The following USP32 variants were observed in gnomAD, a reference collection of about 807,000 sequenced individuals.
USP32 encodes ubiquitin specific peptidase 32, also known as ubiquitin carboxyl-terminal hydrolase 32.
Under a neutral mutation model 204.8 loss-of-function variants are expected in USP32, and 59 were observed. The ratio of observed to expected loss-of-function variants is 0.29; its 90% CI spans 0.23 to 0.36. The LOEUF is 0.36. Ranked by LOEUF, USP32 falls within the 10% of genes least tolerant of loss-of-function variation. The probability of loss-of-function intolerance (pLI) is 1.00; values close to 1 mark genes in which losing one functional copy is unlikely to be tolerated. For missense variants in USP32, 1,160 were observed against 1,946.4 expected, an observed-to-expected ratio of 0.60 and a Z score of 7.60; for synonymous variants, 517 against 678.4, an observed-to-expected ratio of 0.76 and a Z score of 3.70.
At chr17:60,188,590 C>T (rs2084303964) in intron 29 of USP32, among the ~76,000 whole-genome samples, 1 of 152,186 alleles carries the variant, frequency 6.6e-6, no homozygotes, top group Non-Finnish European at 1.5e-5. Flanking sequence ...CCAATGAATA[C>T]ACCATGCTTT....
chr17:60,201,467 A>G (rs1225945894), intron 26 of USP32, among the ~76,000 whole-genome samples: 2 of 151,894 alleles, frequency 1.3e-5, no homozygotes, highest in Non-Finnish European at 2.9e-5. Context: ...TGTTTATAGT[A>G]TTTAATTTAT....
upstream of USP32, among the ~76,000 whole-genome samples, chr17:60,392,983 T>G (rs1011061951): frequency 6.7e-6 from 1 of 149,566 alleles, no homozygotes; most frequent in Non-Finnish European, 1.5e-5. Flanking sequence ...CGTAACAAAA[T>G]GTACCATTTT....
intron 2 of USP32, among the ~76,000 whole-genome samples, chr17:60,314,019 A>C (rs2087915115): frequency 6.6e-6 from 1 of 152,102 alleles, no homozygotes; most frequent in Admixed American, 6.6e-5. Context: ...AAATATGCTC[A>C]AGAATTTAAA....
chr17:60,421,777 G>A, intron 1 of USP32: 1 of 920,810 alleles, frequency 1.1e-6, no homozygotes, highest in South Asian at 5.0e-5. Flanking sequence ...TCGGGTCCCT[G>A]GAGGGCTCGC....
intron 4 of USP32, 115 bp downstream of exon 4, chr17:60,294,568 A>G (rs2145869999): frequency 1.8e-6 from 1 of 569,878 alleles, no homozygotes; most frequent in South Asian, 3.5e-5. Flanking sequence ...AAATATAAAA[A>G]TGCCAAGAGT....
At chr17:60,225,964 AAAAAAAG>A in intron 13 of USP32, 68 bp downstream of exon 13, 4 of 1,458,294 alleles carry the variant, frequency 2.7e-6, no homozygotes, top group South Asian at 2.8e-5. Context: ...AAAAAAAAAA[AAAAAAAG>A]AAAAGAAAAG....
At chr17:60,291,388 T>C (rs1280400333) in intron 4 of USP32, among the ~76,000 whole-genome samples, 1 of 152,188 alleles carries the variant, frequency 6.6e-6, no homozygotes, top group Non-Finnish European at 1.5e-5. Context: ...GAAAAAAACT[T>C]CATACAACAC....
chr17:60,229,961 G>A (rs781370157), intron 12 of USP32, among the ~76,000 whole-genome samples: 4 of 151,974 alleles, frequency 2.6e-5, no homozygotes, highest in East Asian at 1.9e-4. Context: ...TTACAGGCAC[G>A]CACCACTGCG....
At chr17:60,237,233 T>C (rs2085754708) in intron 11 of USP32, among the ~76,000 whole-genome samples, 1 of 151,814 alleles carries the variant, frequency 6.6e-6, no homozygotes, top group Non-Finnish European at 1.5e-5. Context: ...CTTGACCTCC[T>C]GGGCTCAAGC....
At chr17:60,351,582 C>T (rs1216817083) in intron 1 of USP32, among the ~76,000 whole-genome samples, 2 of 149,292 alleles carry the variant, frequency 1.3e-5, no homozygotes, top group Non-Finnish European at 2.9e-5. Context: ...CACGCACCAC[C>T]GTGCCTGGCT....
intron 1 of USP32, among the ~76,000 whole-genome samples, chr17:60,350,140 G>A (rs1233876272): frequency 6.6e-6 from 1 of 151,622 alleles, no homozygotes; most frequent in African/African-American, 2.4e-5. Context: ...AGCCTCCCAA[G>A]TAGGTGGGAC....
At chr17:60,218,445 T>C (rs1332455899) in intron 16 of USP32, among the ~76,000 whole-genome samples, 2 of 152,172 alleles carry the variant, frequency 1.3e-5, no homozygotes, top group Non-Finnish European at 2.9e-5. Context: ...TAACCTTTAA[T>C]GAAGATACAA....
Position 60,263,480 on chromosome 17 carries a change from A to G in USP32, c.990+1932T>C, listed in dbSNP as rs550696005. Among the ~76,000 whole-genome samples, 279 of 152,358 alleles carry G rather than the reference A, an allele frequency of 1.8e-3. 2 individuals are homozygous for G. Among genetic ancestry groups the G allele is most frequent in the African/African-American group, 5.2e-3 (217 of 41,588 alleles). ...GGCTTGGTTAAAAAACCCAAGTTCT[A>G]TCCCAAACTATTACTATTTCATTAT... is the stretch of plus-strand genomic sequence containing the variant. On this transcript the variant is annotated intron_variant, in intron 9 of 33. Coordinates refer to ENST00000300896, the MANE Select transcript of USP32 (RefSeq NM_032582.4).
chr17:60,333,543 T>C (rs2088440007), intron 2 of USP32, among the ~76,000 whole-genome samples: 1 of 152,048 alleles, frequency 6.6e-6, no homozygotes. Flanking sequence ...GAGGTTACAG[T>C]GAGCCAAGAT....
At chr17:60,223,383 T>C (rs748761018) in intron 14 of USP32, 28 bp downstream of exon 14, 4 of 1,580,814 alleles carry the variant, frequency 2.5e-6, no homozygotes, top group East Asian at 4.5e-5. Context: ...AAGAGAATAA[T>C]TTTAAGTTTA....
At chr17:60,342,000 T>G (rs1202542464) in intron 2 of USP32, among the ~76,000 whole-genome samples, 6 of 152,200 alleles carry the variant, frequency 3.9e-5, no homozygotes, top group Admixed American at 3.9e-4. Flanking sequence ...TTTTTAGAAT[T>G]TTCAGCTTTT....
At position 60,211,486 on chromosome 17, in the gene USP32, T is replaced by G. The variant is rs778343937; in HGVS notation, c.2208A>C (p.Leu736=). 1.2e-6 allele frequency: 2 copies of G among 1,613,398 alleles called. No homozygotes were observed. Among genetic ancestry groups the G allele is most frequent in the Admixed American group, 3.3e-5 (2 of 59,866 alleles). ...KVPTEKGATG[L]SNLGNTCFMN... Reference sequence around the variant, plus strand: ...TGAAGCATGTGTTTCCCAGATTGCTTAGACCTGTGGCTCCCTTTTCTGTGG... The same window carrying G: ...TGAAGCATGTGTTTCCCAGATTGCTGAGACCTGTGGCTCCCTTTTCTGTGG... Residue 736 remains leucine (L), a synonymous_variant, in exon 20 of 34, where the codon CTA becomes CTC. Transcript: ENST00000300896.
chr17:60,370,248 T>C (rs2089410831), intron 1 of USP32, among the ~76,000 whole-genome samples: 1 of 151,744 alleles, frequency 6.6e-6, no homozygotes, highest in Non-Finnish European at 1.5e-5. Flanking sequence ...CTTTAAGAAC[T>C]AAAATGATGA....
chr17:60,252,398 T>G lies in USP32; in HGVS notation c.1119A>C (p.Glu373Asp). ...VLGLRPATPE[E>D]EGQIIRGWLE... ...AAATTTACCTAATAATTTGTCCTTCTTCTTCCGGAGTAGCTGGTCTTAACC... is the reference window on the plus strand; with the variant it reads ...AAATTTACCTAATAATTTGTCCTTCGTCTTCCGGAGTAGCTGGTCTTAACC... Residue 373 changes from glutamate (E) to aspartate (D), a missense_variant, in exon 11 of 34, where the codon GAA becomes GAC. By Grantham distance (45) the Glu-to-Asp change is conservative. This residue lies in a region of USP32 where 536 missense variants were observed against 680.9 expected (regional missense o/e 0.79). Coordinates refer to ENST00000300896, the MANE Select transcript of USP32 (RefSeq NM_032582.4). 6.2e-7 allele frequency: 1 copy of G among 1,609,596 alleles called. No individual in the cohort carries two copies. Among genetic ancestry groups the G allele is most frequent in the Non-Finnish European group, 8.5e-7 (1 of 1,178,120 alleles).
Sources: gnomAD v4.1 joint callset for allele counts (sites outside exome capture counted in the v4.1 genomes callset) on GRCh38, gnomAD v4.1.1 for gene constraint, gnomAD v4.1.1 regional missense constraint, MANE v1.5 for transcripts, NCBI Gene and HGNC (gene_info 2026-07-23, HGNC 2026-07-21) for gene names.